HEPHL1: variants seen among roughly 807,000 people sequenced by gnomAD.
The protein encoded by HEPHL1 is hephaestin like 1, also known as ferroxidase HEPHL1.
HEPHL1 carries 123 observed loss-of-function variants against 122.0 expected under a neutral mutation model. The observed-to-expected ratio is 1.01, with a 90% CI of 0.87 to 1.17. HEPHL1 has a LOEUF of 1.17. Among genes scored for constraint, HEPHL1 ranks in the 50% most tolerant of loss-of-function variants. The pLI, the probability that HEPHL1 is intolerant of heterozygous loss-of-function variation, is 0.00. For missense variants in HEPHL1, 1,452 were observed against 1,430.5 expected (o/e 1.01, Z -0.24); for synonymous variants, 527 against 508.9 (o/e 1.04, Z -0.48).
intron 13 of HEPHL1, among the ~76,000 whole-genome samples, chr11:94,097,051 C>T (rs953383835): frequency 6.6e-6 from 1 of 152,078 alleles, no homozygotes; most frequent in Admixed American, 6.5e-5. Context: ...TATTTCTTGC[C>T]TTCTGCTAGC....
At chr11:94,049,150 C>T (rs958580292) in intron 2 of HEPHL1, among the ~76,000 whole-genome samples, 2 of 151,520 alleles carry the variant, frequency 1.3e-5, no homozygotes, top group African/African-American at 4.9e-5. Flanking sequence ...AAAACAAAAA[C>T]AAAAACAAAC....
chr11:94,093,418 CAGAA>C (rs1946278091), intron 12 of HEPHL1, 79 bp from the exon 13 acceptor site: 1 of 1,515,030 alleles, frequency 6.6e-7, no homozygotes. Flanking sequence ...AGCACTTCTC[CAGAA>C]TACCCCTGAA....
At chr11:94,066,309 C>T (rs1946034044) in intron 4 of HEPHL1, among the ~76,000 whole-genome samples, 1 of 152,242 alleles carries the variant, frequency 6.6e-6, no homozygotes, top group Non-Finnish European at 1.5e-5. Context: ...AATCCCAGCA[C>T]TTTGGGAGGC....
intron 1 of HEPHL1, among the ~76,000 whole-genome samples, chr11:94,025,010 G>A (rs2134401014): frequency 6.6e-6 from 1 of 152,220 alleles, no homozygotes; most frequent in African/African-American, 2.4e-5. Flanking sequence ...GATGGTGGGT[G>A]CCAAAGTTTC....
At chr11:94,076,792 A>G (rs1007408287) in intron 9 of HEPHL1, among the ~76,000 whole-genome samples, 4 of 152,148 alleles carry the variant, frequency 2.6e-5, no homozygotes, top group Non-Finnish European at 5.9e-5. Context: ...GAAAATGGGA[A>G]TAAGTGTTTG....
At chr11:94,090,966 A>G (rs1946260066) in intron 12 of HEPHL1, among the ~76,000 whole-genome samples, 1 of 152,218 alleles carries the variant, frequency 6.6e-6, no homozygotes, top group African/African-American at 2.4e-5. Flanking sequence ...TACAATGTCC[A>G]GGGGAAGTTT....
intron 2 of HEPHL1, among the ~76,000 whole-genome samples, chr11:94,060,790 C>T (rs1033356265): frequency 6.6e-6 from 1 of 152,188 alleles, no homozygotes; most frequent in East Asian, 1.9e-4. Context: ...TGACCTTCAT[C>T]CCAACACTGA....
chr11:94,087,214 C>T (rs556189680), intron 11 of HEPHL1, among the ~76,000 whole-genome samples: 10 of 151,810 alleles, frequency 6.6e-5, no homozygotes, highest in Non-Finnish European at 7.4e-5. Flanking sequence ...TTTTTTAATA[C>T]GCTCTTCAAG....
At chr11:94,047,128 A>G (rs986419744) in intron 2 of HEPHL1, among the ~76,000 whole-genome samples, 3 of 152,212 alleles carry the variant, frequency 2.0e-5, no homozygotes, top group Non-Finnish European at 4.4e-5. Context: ...GGTAGTTCTT[A>G]GTTGTTGAGG....
chr11:94,080,665 A>G (rs1946163617), intron 9 of HEPHL1, among the ~76,000 whole-genome samples: 1 of 152,236 alleles, frequency 6.6e-6, no homozygotes, highest in Non-Finnish European at 1.5e-5. Flanking sequence ...GAAGACATCT[A>G]TGCAGCCAAT....
intron 6 of HEPHL1, among the ~76,000 whole-genome samples, chr11:94,072,127 C>T (rs1946078874): frequency 6.6e-6 from 1 of 152,026 alleles, no homozygotes. Flanking sequence ...CAGTCTTGGC[C>T]ATTGAAAGTA....
At chr11:94,044,763 CTTT>C (rs112232970) in intron 1 of HEPHL1, among the ~76,000 whole-genome samples, 4 of 136,352 alleles carry the variant, frequency 2.9e-5, no homozygotes, top group Admixed American at 7.4e-5. Flanking sequence ...TTCTCCAAAC[CTTT>C]TTTTTTTTTT....
At chr11:94,100,817 G>A (rs576009940) in intron 13 of HEPHL1, among the ~76,000 whole-genome samples, 16 of 152,206 alleles carry the variant, frequency 1.1e-4, no homozygotes, top group Admixed American at 8.5e-4. Flanking sequence ...CATTTACCAA[G>A]TACTTATGGT....
intron 10 of HEPHL1, among the ~76,000 whole-genome samples, chr11:94,083,045 G>A (rs1946184897): frequency 6.7e-6 from 1 of 150,362 alleles, no homozygotes; most frequent in Non-Finnish European, 1.5e-5. Flanking sequence ...CCAAGTTCGT[G>A]CCACTGCACA....
chr11:94,094,804 G>C (rs924032351), intron 13 of HEPHL1, among the ~76,000 whole-genome samples: 6 of 152,204 alleles, frequency 3.9e-5, no homozygotes, highest in African/African-American at 1.4e-4. Context: ...CTTCTTTTGA[G>C]AAGCATCTGT....
Position 94,101,346 on chromosome 11 carries a change from T to C in HEPHL1, c.2575+11T>C. 1.9e-6 allele frequency: 3 copies of C among 1,610,186 alleles called. No individual in the cohort carries two copies. The highest frequency in any genetic ancestry group is 2.5e-6 in the Non-Finnish European group (3 of 1,177,284). On this transcript the variant is annotated intron_variant, in intron 14 of 19. Coordinates refer to ENST00000315765, the MANE Select transcript of HEPHL1 (RefSeq NM_001098672.2). ...CCATGACAAAACCAGGTAAGTTGTG[T>C]CAGAGGTCTGCTCCATCTTGAAGAA...
intron 1 of HEPHL1, among the ~76,000 whole-genome samples, chr11:94,033,789 GGGC>G (rs1276168633): frequency 6.6e-6 from 1 of 152,136 alleles, no homozygotes; most frequent in African/African-American, 2.4e-5. Context: ...CGAGTTGCTG[GGGC>G]TTAGGAATAA....
chr11:94,068,297 TC>T (rs1474773574), intron 5 of HEPHL1, among the ~76,000 whole-genome samples: 1 of 152,094 alleles, frequency 6.6e-6, no homozygotes, highest in Non-Finnish European at 1.5e-5. Context: ...TAAGGACCAA[TC>T]CCCCCTCGAA....
Position 94,070,380 on chromosome 11 carries a change from T to C in HEPHL1, c.1070T>C (p.Met357Thr). The C allele has an allele frequency of 6.3e-7, 1 of 1,591,916 alleles. No individual in the cohort carries two copies. Among genetic ancestry groups the C allele is most frequent in the Non-Finnish European group, 8.6e-7 (1 of 1,167,916 alleles). Residue 357 changes from methionine (M) to threonine (T), a missense_variant, in exon 6 of 20, where the codon ATG becomes ACG. Physicochemically the swap from Met to Thr is moderately conservative, Grantham distance 81. Transcript: ENST00000315765. The part of the protein sequence containing the change: ...CQVSDHLQAG[M>T]LGQYNVDNCK... Reference sequence around the variant, plus strand: ...GTTTTCCTCTGTTCTGCAGCTGGTATGCTGGGGCAATACAATGTTGATAAC... The same window carrying C: ...GTTTTCCTCTGTTCTGCAGCTGGTACGCTGGGGCAATACAATGTTGATAAC...
Sources: gnomAD v4.1 joint callset for allele counts (sites outside exome capture counted in the v4.1 genomes callset) on GRCh38, gnomAD v4.1.1 for gene constraint, MANE v1.5 for transcripts, NCBI Gene and HGNC (gene_info 2026-07-23, HGNC 2026-07-21) for gene names.